CUX1: variants seen among roughly 807,000 people sequenced by gnomAD.
The protein encoded by CUX1 is protein CASP.
Under a neutral mutation model 158.8 loss-of-function variants are expected in CUX1, and 31 were observed. The ratio of observed to expected loss-of-function variants is 0.20; its 90% CI spans 0.15 to 0.26. CUX1 has a LOEUF of 0.26. Among genes scored for constraint, CUX1 ranks in the 10% least tolerant of loss-of-function variants. The pLI, the probability that CUX1 is intolerant of heterozygous loss-of-function variation, is 1.00. For synonymous variants in CUX1, 879 were observed against 862.1 expected, an observed-to-expected ratio of 1.02 and a Z score of -0.34; for missense variants, 1,589 against 2,014.6, an observed-to-expected ratio of 0.79 and a Z score of 4.04.
intron 3 of CUX1, among the ~76,000 whole-genome samples, chr7:102,050,084 T>C (rs1162136358): frequency 6.6e-6 from 1 of 152,172 alleles, no homozygotes; most frequent in Non-Finnish European, 1.5e-5. Flanking sequence ...CACCGTCTCC[T>C]GAATTTTCTC....
At position 102,249,890 on chromosome 7, in the gene CUX1, A is replaced by G. The variant is rs928844280; in HGVS notation, c.*848A>G. ...TTTAACAAAAAGAAAACGTCACATC[A>G]GGAAACTCTGATTTTGTGGTAGCTG... is the stretch of plus-strand genomic sequence containing the variant. On this transcript the variant is annotated 3_prime_UTR_variant, in exon 24 of 24. Transcript: ENST00000292535. 4 of 985,716 alleles carry G rather than the reference A, an allele frequency of 4.1e-6. No homozygotes were observed. The highest frequency in any genetic ancestry group is 4.8e-6 in the Non-Finnish European group (4 of 829,930). 61.1% of individuals were successfully genotyped at this position (985,716 alleles called of 1,614,324 possible).
intron 20 of CUX1, among the ~76,000 whole-genome samples, chr7:102,206,624 C>T (rs191697052): frequency 7.2e-5 from 11 of 152,270 alleles, no homozygotes; most frequent in African/African-American, 1.4e-4. Flanking sequence ...AGACCAGGTG[C>T]GGTGGCTCAC....
chr7:102,087,002 T>C (rs1276333279), intron 4 of CUX1, among the ~76,000 whole-genome samples: 1 of 152,334 alleles, frequency 6.6e-6, no homozygotes, highest in East Asian at 1.9e-4. Context: ...TATTTTTCTA[T>C]ACTTTTACTA....
intron 1 of CUX1, among the ~76,000 whole-genome samples, chr7:101,907,898 T>A (rs771987306): frequency 3.3e-5 from 5 of 151,870 alleles, no homozygotes; most frequent in Non-Finnish European, 5.9e-5. Flanking sequence ...GGTGGGAGGA[T>A]CGCCTGAGCC....
chr7:101,891,826 G>T (rs1371574870), intron 1 of CUX1, among the ~76,000 whole-genome samples: 1 of 152,202 alleles, frequency 6.6e-6, no homozygotes, highest in Admixed American at 6.5e-5. Context: ...TAAAGAAATT[G>T]TTATTTTTAA....
chr7:102,028,988 ATTTTTT>A (rs71519103), intron 3 of CUX1, among the ~76,000 whole-genome samples: 2 of 114,246 alleles, frequency 1.8e-5, no homozygotes. Context: ...AGTCTTAGGG[ATTTTTT>A]TTTTTTTTTT....
At chr7:101,982,910 T>C (rs1443138324) in intron 2 of CUX1, among the ~76,000 whole-genome samples, 35 of 127,456 alleles carry the variant, frequency 2.7e-4, no homozygotes, top group African/African-American at 3.9e-4. Context: ...TGTGATGTTC[T>C]CCTTCCCCAA....
intron 9 of CUX1, among the ~76,000 whole-genome samples, chr7:102,159,626 C>G (rs935907809): frequency 5.3e-5 from 8 of 152,136 alleles, no homozygotes; most frequent in South Asian, 2.1e-4. Flanking sequence ...TCTGGGGGGC[C>G]AAGGTGGGAG....
At chr7:102,117,418 A>AAAAAC (rs1563266418) in intron 8 of CUX1, among the ~76,000 whole-genome samples, 7 of 151,340 alleles carry the variant, frequency 4.6e-5, no homozygotes, top group Non-Finnish European at 1.0e-4. Context: ...AAAAAAAAAA[A>AAAAAC]AGGTCAATAT....
Position 102,254,849 on chromosome 7 carries a change from C to T in CUX1, c.*5807C>T. 3 of 985,368 alleles carry T rather than the reference C, an allele frequency of 3.0e-6. No individual in the cohort carries two copies. Among genetic ancestry groups the T allele is most frequent in the Non-Finnish European group, 3.6e-6 (3 of 829,924 alleles). 61.0% of individuals were successfully genotyped at this position (985,368 alleles called of 1,614,324 possible). On this transcript the variant is annotated 3_prime_UTR_variant, in exon 24 of 24. Transcript: ENST00000292535. ...ACACTCGAACGCTAAGAGAATGGTCCAATTTGATGATCTTATTTCTATTTC... is the reference window on the plus strand; with the variant it reads ...ACACTCGAACGCTAAGAGAATGGTCTAATTTGATGATCTTATTTCTATTTC...
chr7:101,964,415 G>C (rs570133339), intron 2 of CUX1, among the ~76,000 whole-genome samples: 1 of 152,256 alleles, frequency 6.6e-6, no homozygotes, highest in South Asian at 2.1e-4. Flanking sequence ...ACCAAATTTT[G>C]TATGTTTTAG....
intron 5 of CUX1, among the ~76,000 whole-genome samples, chr7:102,098,321 G>T (rs578241952): frequency 2.6e-5 from 4 of 152,336 alleles, no homozygotes; most frequent in Admixed American, 2.6e-4. Context: ...TCAATAAAGA[G>T]TTAATTGGGG....
At chr7:101,959,570 T>A (rs1380826621) in intron 2 of CUX1, 1 of 152,200 alleles carries the variant, frequency 6.6e-6, no homozygotes, top group Non-Finnish European at 1.5e-5. Flanking sequence ...CTTCCGCTTT[T>A]AGAGCAACGT....
At chr7:101,937,733 G>A (rs1463772022) in intron 2 of CUX1, among the ~76,000 whole-genome samples, 1 of 152,006 alleles carries the variant, frequency 6.6e-6, no homozygotes, top group Non-Finnish European at 1.5e-5. Flanking sequence ...GGGTGGTCTC[G>A]AACTCCTGAG....
At chr7:102,102,385 C>G (rs182690296) in intron 5 of CUX1, among the ~76,000 whole-genome samples, 24 of 130,006 alleles carry the variant, frequency 1.8e-4, no homozygotes, top group African/African-American at 6.0e-4. Context: ...GACTGCACCA[C>G]TGCATGTCAG....
intron 8 of CUX1, among the ~76,000 whole-genome samples, chr7:102,158,277 A>G (rs1382816004): frequency 6.6e-6 from 1 of 152,040 alleles, no homozygotes; most frequent in Non-Finnish European, 1.5e-5. Context: ...TTGGCAGGAC[A>G]TGCTGTATTT....
intron 2 of CUX1, among the ~76,000 whole-genome samples, chr7:101,935,083 C>T (rs1028123210): frequency 1.3e-5 from 2 of 152,144 alleles, no homozygotes; most frequent in African/African-American, 2.4e-5. Flanking sequence ...ACGTACACAT[C>T]CAGATGGCCG....
chr7:101,948,930 CCCAT>C (rs1448973213), intron 2 of CUX1, among the ~76,000 whole-genome samples: 6 of 152,180 alleles, frequency 3.9e-5, no homozygotes, highest in Non-Finnish European at 8.8e-5. Flanking sequence ...CAGGACCCTG[CCCAT>C]CACTGGTCTG....
At chr7:102,258,253 A>G, downstream of CUX1, 30 of 916,172 alleles carry the variant, frequency 3.3e-5, no homozygotes, top group Non-Finnish European at 3.9e-5. Flanking sequence ...GGTTGTTTTT[A>G]TTTAAAGTGC....
Sources: allele counts gnomAD v4.1 joint callset (sites outside exome capture counted in the v4.1 genomes callset), GRCh38; gene constraint gnomAD v4.1.1; transcripts MANE v1.5; gene names NCBI Gene and HGNC (gene_info 2026-07-23, HGNC 2026-07-21).